METTL8: variants seen among roughly 807,000 people sequenced by gnomAD.
METTL8 encodes methyltransferase 8, tRNA N3-cytidine, also known as tRNA N(3)-cytidine methyltransferase METTL8, mitochondrial.
In METTL8, 32 loss-of-function variants were observed where a neutral mutation model predicts 48.7. That is an observed-to-expected ratio of 0.66 (90% CI 0.50 to 0.88). The LOEUF (loss-of-function observed/expected upper bound fraction) is 0.88, where lower values mean the gene tolerates loss of function less well. Ranked by LOEUF, METTL8 falls within the 40% of genes least tolerant of loss-of-function variation. The pLI, the probability that METTL8 is intolerant of heterozygous loss-of-function variation, is 0.00. For missense variants in METTL8, 464 were observed against 474.4 expected, an observed-to-expected ratio of 0.98 and a Z score of 0.20; for synonymous variants, 136 against 157.1, an observed-to-expected ratio of 0.87 and a Z score of 1.01.
intron 2 of METTL8, among the ~76,000 whole-genome samples, chr2:171,383,291 C>T (rs1469199121): frequency 6.6e-6 from 1 of 152,102 alleles, no homozygotes; most frequent in Non-Finnish European, 1.5e-5. Context: ...ATAGAAATCA[C>T]ATTGCAACAC....
At position 171,328,642 on chromosome 2, in the gene METTL8, C is replaced by T. The variant is rs142489482; in HGVS notation, c.860+1917G>A. ...TCTCCTGCCTCAGCCTCCAGAGTAGCTGGGATTACAGGCATGCAGTACCAC... is the reference window on the plus strand; with the variant it reads ...TCTCCTGCCTCAGCCTCCAGAGTAGTTGGGATTACAGGCATGCAGTACCAC... On this transcript the variant is annotated intron_variant, in intron 7 of 9. Transcript: ENST00000375258. Among the ~76,000 whole-genome samples the T allele has an allele frequency of 2.2e-4, 33 of 152,318 alleles. 2 individuals carry two copies. Among genetic ancestry groups the T allele is most frequent in the African/African-American group, 7.9e-4 (33 of 41,570 alleles).
At chr2:171,341,668 G>A (rs746733421) in intron 3 of METTL8, among the ~76,000 whole-genome samples, 2 of 151,774 alleles carry the variant, frequency 1.3e-5, no homozygotes, top group Non-Finnish European at 2.9e-5. Context: ...TACTGTAGAC[G>A]CATGCCATTT....
intron 1 of METTL8, among the ~76,000 whole-genome samples, chr2:171,424,138 T>A (rs1408891062): frequency 6.6e-6 from 1 of 152,132 alleles, no homozygotes; most frequent in Non-Finnish European, 1.5e-5. Flanking sequence ...TGCACAGAAG[T>A]CAAGAACTGA....
At chr2:171,385,398 A>T (rs1574078879) in intron 2 of METTL8, among the ~76,000 whole-genome samples, 1 of 152,192 alleles carries the variant, frequency 6.6e-6, no homozygotes, top group East Asian at 1.9e-4. Flanking sequence ...TAAAGGAGAA[A>T]ATAAGGAAGA....
intron 3 of METTL8, among the ~76,000 whole-genome samples, chr2:171,356,731 G>T (rs1383781537): frequency 6.6e-6 from 1 of 151,980 alleles, no homozygotes; most frequent in Non-Finnish European, 1.5e-5. Flanking sequence ...CAAATGATAA[G>T]ATTTCATTCT....
intron 3 of METTL8, among the ~76,000 whole-genome samples, chr2:171,351,590 C>T (rs910472997): frequency 6.6e-6 from 1 of 152,146 alleles, no homozygotes; most frequent in African/African-American, 2.4e-5. Context: ...TCTTCCTATC[C>T]ATGAGCATGG....
At position 171,316,920 on chromosome 2, in the gene METTL8, C is replaced by T. The variant is rs1458277704; in HGVS notation, c.*7252G>A. On this transcript the variant is annotated 3_prime_UTR_variant, in exon 10 of 10. Transcript: ENST00000375258. The stretch of plus-strand genomic sequence containing the variant: ...GCTCACCTGAGGGAGCAGGGCACAA[C>T]TAAAGATGTAAGGAGAGCGATCGCA... Among the ~76,000 whole-genome samples the T allele has an allele frequency of 6.6e-5, 10 of 152,136 alleles. No homozygotes were observed.
At chr2:171,330,820 C>G (rs1685452677) in intron 6 of METTL8, 122 bp from the exon 7 acceptor site, 3 of 742,116 alleles carry the variant, frequency 4.0e-6, no homozygotes, top group Admixed American at 3.1e-5. Context: ...CTCTGTCAGT[C>G]TGAACACTTT....
At chr2:171,328,869 G>A (rs887093618) in intron 7 of METTL8, among the ~76,000 whole-genome samples, 1 of 151,944 alleles carries the variant, frequency 6.6e-6, no homozygotes, top group Non-Finnish European at 1.5e-5. Flanking sequence ...TTGTATTTTT[G>A]GTAGAGATGG....
chr2:171,382,046 T>G (rs10186304), intron 2 of METTL8, among the ~76,000 whole-genome samples: 8,291 of 152,210 alleles, frequency 0.054, 246 homozygotes, highest in African/African-American at 0.073. Flanking sequence ...CCTCCCAAAG[T>G]GCTGGGATTA....
At chr2:171,398,164 A>G (rs1162774002) in intron 1 of METTL8, among the ~76,000 whole-genome samples, 1 of 152,214 alleles carries the variant, frequency 6.6e-6, no homozygotes, top group African/African-American at 2.4e-5. Flanking sequence ...AAGAAGTGAA[A>G]GCAGAGACCA....
intron 2 of METTL8, among the ~76,000 whole-genome samples, chr2:171,386,153 G>C (rs188731935): frequency 6.6e-6 from 1 of 152,336 alleles, no homozygotes; most frequent in East Asian, 1.9e-4. Flanking sequence ...TCTCAGGCAA[G>C]AGAGCAGGTG....
At chr2:171,370,722 C>T (rs1230594026) in intron 2 of METTL8, among the ~76,000 whole-genome samples, 4 of 152,084 alleles carry the variant, frequency 2.6e-5, no homozygotes, top group South Asian at 2.1e-4. Context: ...ACCCGGGAGG[C>T]GGAGCTTGCA....
intron 2 of METTL8, among the ~76,000 whole-genome samples, chr2:171,362,599 A>AAATC (rs1316625857): frequency 1.6e-3 from 245 of 151,536 alleles, no homozygotes; most frequent in Middle Eastern, 3.4e-3. Flanking sequence ...ATAAATAAAT[A>AAATC]AATCAAAATT....
intron 2 of METTL8, among the ~76,000 whole-genome samples, chr2:171,363,789 A>ATT (rs1166537601): frequency 1.7e-4 from 10 of 59,862 alleles, no homozygotes; most frequent in Non-Finnish European, 3.3e-4. Context: ...ACATCCCCAA[A>ATT]TTTTATATAT....
At chr2:171,389,631 A>AACCAGCC (rs1342461573) in intron 2 of METTL8, among the ~76,000 whole-genome samples, 1 of 152,140 alleles carries the variant, frequency 6.6e-6, no homozygotes, top group Admixed American at 6.6e-5. Flanking sequence ...TAAAAGATAA[A>AACCAGCC]ACCAGCCACA....
At chr2:171,416,115 T>C (rs1574210225) in intron 1 of METTL8, among the ~76,000 whole-genome samples, 1 of 152,222 alleles carries the variant, frequency 6.6e-6, no homozygotes, top group African/African-American at 2.4e-5. Context: ...CTCTTTCCAT[T>C]TGATGACTGT....
At chr2:171,345,716 T>C (rs530623905) in intron 3 of METTL8, among the ~76,000 whole-genome samples, 82 of 152,328 alleles carry the variant, frequency 5.4e-4, no homozygotes, top group African/African-American at 1.9e-3. Flanking sequence ...CATAGGTAGA[T>C]AGTTAATTAC....
intron 2 of METTL8, among the ~76,000 whole-genome samples, chr2:171,376,115 C>A (rs1196970177): frequency 6.6e-6 from 1 of 152,192 alleles, no homozygotes; most frequent in Non-Finnish European, 1.5e-5. Context: ...ACTAACTGGG[C>A]ATTTGACTGC....
Sources: allele counts gnomAD v4.1 joint callset (sites outside exome capture counted in the v4.1 genomes callset), GRCh38; gene constraint gnomAD v4.1.1; transcripts MANE v1.5; gene names NCBI Gene and HGNC (gene_info 2026-07-23, HGNC 2026-07-21).